Variants in NRG3 observed in about 807,000 individuals in gnomAD.
The protein encoded by NRG3 is neuregulin 3.
Under a neutral mutation model 66.9 loss-of-function variants are expected in NRG3, and 31 were observed. The observed-to-expected ratio is 0.46, with a 90% CI of 0.35 to 0.63. The LOEUF is 0.63. NRG3 is among the 20% of genes least tolerant of loss of function. The pLI is 0.00. For synonymous variants in NRG3, 393 were observed against 359.4 expected (o/e 1.09, Z -1.06); for missense variants, 910 against 878.9 (o/e 1.04, Z -0.45).
chr10:82,235,701 C>A (rs2076719625), intron 1 of NRG3, among the ~76,000 whole-genome samples: 1 of 152,142 alleles, frequency 6.6e-6, no homozygotes, highest in Non-Finnish European at 1.5e-5. Context: ...CATGGCTAAT[C>A]TAGCCTACTA....
At chr10:82,228,233 G>A (rs1237438653) in intron 1 of NRG3, among the ~76,000 whole-genome samples, 1 of 152,204 alleles carries the variant, frequency 6.6e-6, no homozygotes. Flanking sequence ...TCACAAGATA[G>A]TATGAGTATA....
intron 1 of NRG3, among the ~76,000 whole-genome samples, chr10:82,149,988 G>A (rs1353167743): frequency 1.3e-5 from 2 of 152,096 alleles, no homozygotes; most frequent in East Asian, 3.9e-4. Flanking sequence ...GAATCCCGAC[G>A]AGATGGAACT....
intron 3 of NRG3, among the ~76,000 whole-genome samples, chr10:82,808,304 T>C (rs950139806): frequency 2.6e-5 from 4 of 152,172 alleles, no homozygotes; most frequent in African/African-American, 9.7e-5. Flanking sequence ...ACTTACACTG[T>C]GTATCACACA....
chr10:81,948,691 C>T (rs1396251421), intron 1 of NRG3, among the ~76,000 whole-genome samples: 1 of 152,204 alleles, frequency 6.6e-6, no homozygotes, highest in East Asian at 1.9e-4. Flanking sequence ...AGCAATTTCA[C>T]TTTTACCAGC....
At chr10:82,797,791 G>C (rs2060862722) in intron 3 of NRG3, among the ~76,000 whole-genome samples, 1 of 152,226 alleles carries the variant, frequency 6.6e-6, no homozygotes, top group East Asian at 1.9e-4. Context: ...TCTTCTAGGG[G>C]AGTTTATGAA....
chr10:82,739,510 T>G (rs867687594), intron 3 of NRG3, among the ~76,000 whole-genome samples: 2 of 152,348 alleles, frequency 1.3e-5, no homozygotes, highest in Admixed American at 6.5e-5. Flanking sequence ...TTGTACTGAC[T>G]AAGGACAGAG....
At chr10:82,754,177 T>C (rs2058986886) in intron 3 of NRG3, among the ~76,000 whole-genome samples, 1 of 151,978 alleles carries the variant, frequency 6.6e-6, no homozygotes, top group Non-Finnish European at 1.5e-5. Context: ...TGTCATATTC[T>C]TATAAATGAA....
chr10:82,367,827 C>T (rs1272179343), intron 2 of NRG3, among the ~76,000 whole-genome samples: 1 of 152,042 alleles, frequency 6.6e-6, no homozygotes, highest in Non-Finnish European at 1.5e-5. Flanking sequence ...AACCCAGTCT[C>T]CACTAAAAAT....
At chr10:82,124,794 A>G (rs987011149) in intron 1 of NRG3, among the ~76,000 whole-genome samples, 1 of 151,906 alleles carries the variant, frequency 6.6e-6, no homozygotes, top group Non-Finnish European at 1.5e-5. Context: ...AAAAAATACC[A>G]CAGTATAATC....
rs368979907 is a variant in NRG3 at position 82,232,800 on chromosome 10, G to A, written c.824-125939G>A. ...ACATGGGGAAGACCAGAGTGGTCAGGAGGCAGAAACAGGAGCAAGGTAAGT... is the reference window on the plus strand; with the variant it reads ...ACATGGGGAAGACCAGAGTGGTCAGAAGGCAGAAACAGGAGCAAGGTAAGT... On this transcript the variant is annotated intron_variant, in intron 1 of 8. Transcript: ENST00000372141. 3.8e-4 allele frequency: 276 copies of A among 717,396 alleles called. 1 individual carries two copies. Among genetic ancestry groups the A allele is most frequent in the African/African-American group, 3.8e-3 (218 of 57,376 alleles). The allele number at this position is 717,396 out of a possible 1,614,324, so 44.4% of individuals were successfully genotyped here. A position where few individuals can be genotyped will look rare whatever the true frequency, so the allele number is the denominator to read the frequency against.
At chr10:82,747,105 A>C (rs1565271344) in intron 3 of NRG3, among the ~76,000 whole-genome samples, 1 of 152,100 alleles carries the variant, frequency 6.6e-6, no homozygotes, top group Admixed American at 6.6e-5. Flanking sequence ...CAACAAAAAA[A>C]GGAACACCAT....
At chr10:82,045,954 T>C (rs934446999) in intron 1 of NRG3, among the ~76,000 whole-genome samples, 1 of 151,534 alleles carries the variant, frequency 6.6e-6, no homozygotes, top group Admixed American at 6.6e-5. Flanking sequence ...AGTACCATGC[T>C]GTTTTGGTTA....
intron 2 of NRG3, among the ~76,000 whole-genome samples, chr10:82,630,103 A>G (rs142596984): frequency 3.9e-5 from 6 of 152,262 alleles, no homozygotes; most frequent in Admixed American, 6.5e-5. Context: ...GCCAGGGAGT[A>G]TGGTGGCAAC....
intron 3 of NRG3, among the ~76,000 whole-genome samples, chr10:82,808,121 A>G (rs1350229430): frequency 6.6e-6 from 1 of 151,488 alleles, no homozygotes; most frequent in East Asian, 1.9e-4. Context: ...TTCTTCACTT[A>G]TTTTCATCTC....
chr10:82,261,302 T>A (rs945914707), intron 1 of NRG3, among the ~76,000 whole-genome samples: 9 of 152,168 alleles, frequency 5.9e-5, no homozygotes, highest in Non-Finnish European at 1.3e-4. Flanking sequence ...CCTGCCACCA[T>A]ATGAAGAAGG....
intron 4 of NRG3, among the ~76,000 whole-genome samples, chr10:82,935,330 G>A (rs111834961): frequency 1.4e-3 from 207 of 152,122 alleles, no homozygotes; most frequent in African/African-American, 4.4e-3. Context: ...TTTCTTTGTT[G>A]TCTTTTCCAC....
chr10:82,717,018 A>G (rs1246652315), intron 2 of NRG3, among the ~76,000 whole-genome samples: 1 of 152,208 alleles, frequency 6.6e-6, no homozygotes, highest in Non-Finnish European at 1.5e-5. Context: ...CTTTCATTGG[A>G]ACTAGTTATT....
At chr10:82,260,934 C>G (rs1385540377) in intron 1 of NRG3, among the ~76,000 whole-genome samples, 1 of 152,086 alleles carries the variant, frequency 6.6e-6, no homozygotes, top group East Asian at 1.9e-4. Context: ...AATGTAATCA[C>G]CAATGCTGTG....
chr10:82,527,586 CATAGGT>C (rs1467784385), intron 2 of NRG3, among the ~76,000 whole-genome samples: 2 of 152,106 alleles, frequency 1.3e-5, no homozygotes, highest in Non-Finnish European at 2.9e-5. Flanking sequence ...TTTTAGGGTT[CATAGGT>C]ATAAAAGGGA....
Sources: allele counts gnomAD v4.1 joint callset (sites outside exome capture counted in the v4.1 genomes callset), GRCh38; gene constraint gnomAD v4.1.1; transcripts MANE v1.5; gene names NCBI Gene and HGNC (gene_info 2026-07-23, HGNC 2026-07-21).